Variants in FBH1 observed in about 807,000 individuals in gnomAD.
FBH1 encodes F-box DNA helicase 1, also known as DNA 3'-5' helicase 1.
FBH1 carries 43 observed loss-of-function variants against 115.5 expected under a neutral mutation model. The ratio of observed to expected loss-of-function variants is 0.37; its 90% CI spans 0.29 to 0.48. The LOEUF is 0.48. Among genes scored for constraint, FBH1 ranks in the 20% least tolerant of loss-of-function variants. The pLI is 0.99. For synonymous variants in FBH1, 524 were observed against 507.8 expected (o/e 1.03, Z -0.43); for missense variants, 1,001 against 1,337.3 (o/e 0.75, Z 3.92).
intron 1 of FBH1, among the ~76,000 whole-genome samples, chr10:5,893,057 C>T (rs1279532191): frequency 6.6e-6 from 1 of 152,172 alleles, no homozygotes; most frequent in African/African-American, 2.4e-5. Context: ...TGTAATCCTA[C>T]CACTTTGGGA....
In FBH1 at chr10:5,897,552, C is replaced by T. The variant is rs1198597025; in HGVS notation, c.2-5468C>T. Among the ~76,000 whole-genome samples, 1 of 152,088 alleles carries T rather than the reference C, an allele frequency of 6.6e-6. No homozygotes were observed. The highest frequency in any genetic ancestry group is 1.9e-4 in the East Asian group (1 of 5,192). Reference sequence around the variant, plus strand: ...CAATAAGTCCAAGGGGTGGGGAATCCAATAAAAGTGTTAATAAAAATCCAA... The same window carrying T: ...CAATAAGTCCAAGGGGTGGGGAATCTAATAAAAGTGTTAATAAAAATCCAA... On this transcript the variant is annotated intron_variant, in intron 1 of 20. Transcript: ENST00000362091. The surrounding 1 kb of genome is among the most constrained non-coding windows in gnomAD (Gnocchi z 4.7).
chr10:5,922,881 G>A (rs147689609), intron 15 of FBH1, among the ~76,000 whole-genome samples: 12 of 152,196 alleles, frequency 7.9e-5, no homozygotes, highest in East Asian at 7.7e-4. Context: ...ACCTAGAGAC[G>A]TTCTGTAATT....
chr10:5,911,128 G>A lies in FBH1; in HGVS notation c.1211G>A (p.Arg404Lys). 6.2e-7 allele frequency: 1 copy of A among 1,609,988 alleles called. No homozygotes were observed. The highest frequency in any genetic ancestry group is 8.5e-7 in the Non-Finnish European group (1 of 1,177,982). Residue 404 changes from arginine to lysine, a missense_variant and splice_region_variant, in exon 6 of 21, where the codon AGG becomes AAG. Physicochemically the swap from Arg to Lys is conservative, Grantham distance 26. This residue lies in a region of FBH1 where 1 missense variants were observed against 16.2 expected (regional missense o/e 0.06). Transcript: ENST00000362091. The surrounding 1 kb of genome is among the most constrained non-coding windows in gnomAD (Gnocchi z 5.4). Reference protein sequence around the residue: ...MREKGINISNRIHYNIFYCLY... With the variant: ...MREKGINISNKIHYNIFYCLY... ...GAGAAGGGGATTAACATCAGCAATA[G>A]GTAATGCCCCGGGAGGAGGGGAGGG...
chr10:5,893,999 C>T, intron 1 of FBH1: 2 of 985,352 alleles, frequency 2.0e-6, no homozygotes, highest in Non-Finnish European at 1.2e-6. Context: ...ACGGAAAGCC[C>T]AGCCCATCCT....
Position 5,935,153 on chromosome 10 carries a change from G to A in FBH1, c.2830-1303G>A. Reference sequence around the variant, plus strand: ...ATGTGCGTATGTATAGCATTATAATGGTAACTGCGTCAAAAACGGCTTGAG... The same window carrying A: ...ATGTGCGTATGTATAGCATTATAATAGTAACTGCGTCAAAAACGGCTTGAG... On this transcript the variant is annotated intron_variant, in intron 19 of 20. Coordinates refer to ENST00000362091, the MANE Select transcript of FBH1 (RefSeq NM_178150.3). The surrounding 1 kb of genome is among the most constrained non-coding windows in gnomAD (Gnocchi z 5.2). The A allele has an allele frequency of 1.3e-5, 2 of 152,188 alleles. 1 individual carries two copies. 9.4% of individuals were successfully genotyped at this position (152,188 alleles called of 1,614,324 possible).
rs761406965 is a variant in FBH1 at position 5,916,230 on chromosome 10, G to T, written c.1566-4G>T. ...GTGCTGTTCATTTGGGATGGGTATT[G>T]CAGGTACCAGTCAAAGAAGAAGTTG... On this transcript the variant is annotated splice_polypyrimidine_tract_variant and splice_region_variant and intron_variant, in intron 9 of 20. Transcript: ENST00000362091. 2 of 1,613,812 alleles carry T rather than the reference G, an allele frequency of 1.2e-6. No homozygotes were observed. The highest frequency in any genetic ancestry group is 2.2e-5 in the East Asian group (1 of 44,876).
intron 18 of FBH1, among the ~76,000 whole-genome samples, chr10:5,927,215 G>T (rs1278535693): frequency 6.6e-6 from 1 of 152,204 alleles, no homozygotes; most frequent in East Asian, 1.9e-4. Flanking sequence ...TACGTAGCAG[G>T]ACTAAATAAA....
At chr10:5,904,845 T>A (rs887770701) in intron 2 of FBH1, among the ~76,000 whole-genome samples, 21 of 152,150 alleles carry the variant, frequency 1.4e-4, no homozygotes, top group Admixed American at 3.3e-4. Flanking sequence ...ATTTTTTTTT[T>A]AAATTTTACT....
chr10:5,929,492 A>G (rs891239283), intron 19 of FBH1: 2 of 152,228 alleles, frequency 1.3e-5, no homozygotes, highest in Non-Finnish European at 2.9e-5. Context: ...CTTAAGCGTC[A>G]GAGCTTAGAA....
chr10:5,914,193 A>C lies in FBH1; in HGVS notation c.1320A>C (p.Gln440His). ...PSVWPGKKTI[Q>H]LTHEQQLILN... ...ATGATTATAGCAAGAAAACCATCCA[A>C]CTTACACATGAACAACAGCTGATTC... The change falls in exon 8 of 21, where the codon CAA (glutamine) becomes CAC (histidine). Residue 440 changes from glutamine (Q) to histidine (H), a missense_variant. Physicochemically the swap from Gln to His is conservative, Grantham distance 24 (BLOSUM62 0). This residue lies in a region of FBH1 where 521 missense variants were observed against 811.0 expected (regional missense o/e 0.64). Coordinates refer to ENST00000362091, the MANE Select transcript of FBH1 (RefSeq NM_178150.3). The surrounding 1 kb of genome is among the most constrained non-coding windows in gnomAD (Gnocchi z 5.2). The C allele has an allele frequency of 6.2e-7, 1 of 1,614,198 alleles. No individual in the cohort carries two copies. The highest frequency in any genetic ancestry group is 8.5e-7 in the Non-Finnish European group (1 of 1,180,028).
At chr10:5,905,668 G>A (rs1236997287) in intron 2 of FBH1, among the ~76,000 whole-genome samples, 2 of 152,188 alleles carry the variant, frequency 1.3e-5, no homozygotes, top group Admixed American at 1.3e-4. Flanking sequence ...AGAGTTAGTG[G>A]GAGCGGGGCA....
At chr10:5,890,200 G>GGCGGAGCTCGCGGAGGA, upstream of FBH1, 1 of 343,776 alleles carries the variant, frequency 2.9e-6, no homozygotes. Context: ...GCTGCGGCGG[G>GGCGGAGCTCGCGGAGGA]GCGGAGCTCG....
intron 6 of FBH1, among the ~76,000 whole-genome samples, chr10:5,912,419 C>T (rs982444772): frequency 3.3e-5 from 5 of 149,500 alleles, no homozygotes; most frequent in African/African-American, 9.8e-5. Flanking sequence ...CTGGGAAGGG[C>T]CTTGTCCCTG....
Position 5,931,164 on chromosome 10 carries a change from A to G in FBH1, c.2829+3623A>G, listed in dbSNP as rs1564464531. ...ACCAGATTAGAAGATGGGATCTGCC[A>G]GCCATCACGGAGCTGTCCTGGTGGC... On this transcript the variant is annotated intron_variant, in intron 19 of 20. Coordinates refer to ENST00000362091, the MANE Select transcript of FBH1 (RefSeq NM_178150.3). This position sits in a 1 kb window ranked among gnomAD's most constrained non-coding sequence, Gnocchi z 4.3. Among the ~76,000 whole-genome samples, 2 of 152,246 alleles carry G rather than the reference A, an allele frequency of 1.3e-5. No homozygotes were observed. Among genetic ancestry groups the G allele is most frequent in the African/African-American group, 4.8e-5 (2 of 41,478 alleles).
Position 5,917,507 on chromosome 10 carries a change from G to A in FBH1, c.1876G>A (p.Gly626Ser), listed in dbSNP as rs749693781. The A allele has an allele frequency of 2.5e-6, 4 of 1,614,150 alleles. No individual in the cohort carries two copies. The highest frequency in any genetic ancestry group is 1.3e-5 in the African/African-American group (1 of 75,054). Reference protein sequence around the residue: ...TEEAHQMTHDGYLKLWQLSKP... With the variant: ...TEEAHQMTHDSYLKLWQLSKP... Reference sequence around the variant, plus strand: ...AGAGGCGCACCAGATGACTCATGACGGTAGGCGGCTGCCGAATGGCGGGGA... The same window carrying A: ...AGAGGCGCACCAGATGACTCATGACAGTAGGCGGCTGCCGAATGGCGGGGA... Residue 626 changes from glycine to serine, a missense_variant and splice_region_variant, in exon 11 of 21, where the codon GGC becomes AGC. This residue lies in a region of FBH1 where 521 missense variants were observed against 811.0 expected (regional missense o/e 0.64). Transcript: ENST00000362091. The surrounding 1 kb of genome is among the most constrained non-coding windows in gnomAD (Gnocchi z 5.6).
chr10:5,921,217 A>T lies in FBH1; in HGVS notation c.2101-41A>T. ...AGTGATGGAAATGCACGGACACACC[A>T]CAGGGCGGGCTGCTGACTCCCTCTG... On this transcript the variant is annotated intron_variant, in intron 13 of 20. Transcript: ENST00000362091. The surrounding 1 kb of genome is among the most constrained non-coding windows in gnomAD (Gnocchi z 6.4). 7 of 1,593,440 alleles carry T rather than the reference A, an allele frequency of 4.4e-6. No homozygotes were observed. The highest frequency in any genetic ancestry group is 6.0e-6 in the Non-Finnish European group (7 of 1,161,788).
chr10:5,909,266 AC>A lies in FBH1; in HGVS notation c.994del (p.Leu332SerfsTer27). 1 of 1,611,086 alleles carries A rather than the reference AC, an allele frequency of 6.2e-7. No individual in the cohort carries two copies. Among genetic ancestry groups the A allele is most frequent in the Non-Finnish European group, 8.5e-7 (1 of 1,179,910 alleles). ...LPEAEACVRQ[H>X]LPDLYAAAGG... ...GAGGCTGAGGCGTGTGTGCGGCAACACCTCCCCGACCTCTACGCTGCTGCCG... is the reference window on the plus strand; with the variant it reads ...GAGGCTGAGGCGTGTGTGCGGCAACACTCCCCGACCTCTACGCTGCTGCCG... On this transcript the variant is annotated frameshift_variant, in exon 5 of 21. Coordinates refer to ENST00000362091, the MANE Select transcript of FBH1 (RefSeq NM_178150.3). LOFTEE classifies it high-confidence loss of function. This position sits in a 1 kb window ranked among gnomAD's most constrained non-coding sequence, Gnocchi z 4.4.
At chr10:5,896,771 C>G (rs1042159856) in intron 1 of FBH1, among the ~76,000 whole-genome samples, 3 of 152,024 alleles carry the variant, frequency 2.0e-5, no homozygotes, top group Admixed American at 6.6e-5. Flanking sequence ...TGGTCATTCA[C>G]CACAGATAAT....
At position 5,911,290 on chromosome 10, in the gene FBH1, G is replaced by A. The variant is rs1214115950; in HGVS notation, c.1211+162G>A. 1.3e-5 allele frequency among the ~76,000 whole-genome samples: 2 copies of A among 152,230 alleles called. No homozygotes were observed. The highest frequency in any genetic ancestry group is 2.9e-5 in the Non-Finnish European group (2 of 68,042). On this transcript the variant is annotated intron_variant, in intron 6 of 20. Transcript: ENST00000362091. The surrounding 1 kb of genome is among the most constrained non-coding windows in gnomAD (Gnocchi z 5.4). ...CTTCTGCAGGAGCCAGGGGCTGAGAGTTTGATGTGGAAAGGCTGGTAAGAG... is the reference window on the plus strand; with the variant it reads ...CTTCTGCAGGAGCCAGGGGCTGAGAATTTGATGTGGAAAGGCTGGTAAGAG...
Sources: gnomAD v4.1 joint callset for allele counts (sites outside exome capture counted in the v4.1 genomes callset) on GRCh38, gnomAD v4.1.1 for gene constraint, gnomAD v4.1.1 regional missense constraint, Gnocchi (gnomAD v3.1) non-coding constraint, MANE v1.5 for transcripts, NCBI Gene and HGNC (gene_info 2026-07-23, HGNC 2026-07-21) for gene names.